SMURF1: variants seen among roughly 807,000 people sequenced by gnomAD.
The protein encoded by SMURF1 is SMAD specific E3 ubiquitin protein ligase 1.
A neutral mutation model predicts 98.0 loss-of-function variants in SMURF1; 44 were observed. The ratio of observed to expected loss-of-function variants is 0.45; its 90% confidence interval spans 0.35 to 0.58. SMURF1 has a LOEUF of 0.58. Ranked by LOEUF, SMURF1 falls within the 20% of genes least tolerant of loss-of-function variation. SMURF1 has a pLI of 0.00. For synonymous variants in SMURF1, 396 were observed against 374.9 expected, an observed-to-expected ratio of 1.06 and a Z score of -0.65; for missense variants, 687 against 938.4, an observed-to-expected ratio of 0.73 and a Z score of 3.50.
intron 5 of SMURF1, among the ~76,000 whole-genome samples, chr7:99,055,459 C>T (rs917492276): frequency 6.6e-6 from 1 of 151,456 alleles, no homozygotes; most frequent in African/African-American, 2.4e-5. Flanking sequence ...CAGAGTGAGA[C>T]TCTGTCTCCA....
At chr7:99,043,007 A>G (rs535670723) in intron 11 of SMURF1, among the ~76,000 whole-genome samples, 2 of 152,246 alleles carry the variant, frequency 1.3e-5, no homozygotes, top group Non-Finnish European at 2.9e-5. Flanking sequence ...TCCGAATCCT[A>G]TAAAGTCTCT....
intron 1 of SMURF1, among the ~76,000 whole-genome samples, chr7:99,068,853 A>G (rs1796257622): frequency 7.1e-6 from 1 of 141,294 alleles, no homozygotes; most frequent in African/African-American, 2.5e-5. Flanking sequence ...CCATCAGACA[A>G]TCCCTCTCTC....
chr7:99,118,874 T>A (rs1797523103), intron 1 of SMURF1, among the ~76,000 whole-genome samples: 2 of 152,166 alleles, frequency 1.3e-5, no homozygotes, highest in East Asian at 3.9e-4. Flanking sequence ...TTCTGCATTG[T>A]TATTTTTAGA....
chr7:99,042,515 TCCACCCATCTCGG>T (rs572211682), intron 11 of SMURF1, among the ~76,000 whole-genome samples: 57 of 152,316 alleles, frequency 3.7e-4, no homozygotes, highest in Admixed American at 2.5e-3. Flanking sequence ...CCTCAAATGA[TCCACCCATCTCGG>T]CCTCCCAAAG....
chr7:99,037,516 G>A (rs1795191765), intron 14 of SMURF1, among the ~76,000 whole-genome samples: 1 of 152,206 alleles, frequency 6.6e-6, no homozygotes, highest in Non-Finnish European at 1.5e-5. Context: ...TGGGATTACA[G>A]GCATGAGCCA....
intron 15 of SMURF1, 80 bp downstream of exon 15, chr7:99,036,987 C>A (rs1474829181): frequency 1.2e-6 from 2 of 1,600,412 alleles, no homozygotes; most frequent in Non-Finnish European, 1.7e-6. Flanking sequence ...GCACACACTG[C>A]CCCCTGCAGC....
chr7:99,102,978 A>G (rs1285251470), intron 1 of SMURF1, among the ~76,000 whole-genome samples: 1 of 151,208 alleles, frequency 6.6e-6, no homozygotes, highest in Non-Finnish European at 1.5e-5. Flanking sequence ...TTATTTTTCT[A>G]TCTTTAGGGG....
chr7:99,043,457 C>T (rs1472036628), intron 11 of SMURF1, among the ~76,000 whole-genome samples: 1 of 152,154 alleles, frequency 6.6e-6, no homozygotes, highest in African/African-American at 2.4e-5. Context: ...AGATTCCCAA[C>T]TCTTTCCACT....
chr7:99,057,082 G>A (rs1584465234), intron 5 of SMURF1, 123 bp downstream of exon 5: 6 of 899,554 alleles, frequency 6.7e-6, no homozygotes, highest in African/African-American at 5.0e-5. Context: ...AGAAGGCCCC[G>A]TACGTGGTCT....
At position 99,027,702 on chromosome 7, in the gene SMURF1, A is replaced by C. The variant is rs1794740856; in HGVS notation, c.*2882T>G. On this transcript the variant is annotated 3_prime_UTR_variant, in exon 18 of 18. Transcript: ENST00000361368. ...ACAAGACATTACAAAATAAATTAAA[A>C]AATACGTTATAAAGTGGTTGAGAAA... 1 of 152,666 alleles carries C rather than the reference A, an allele frequency of 6.6e-6. No homozygotes were observed. Among genetic ancestry groups the C allele is most frequent in the African/African-American group, 2.4e-5 (1 of 41,464 alleles). 9.5% of individuals were successfully genotyped at this position (152,666 alleles called of 1,614,324 possible). A position where few individuals can be genotyped will look rare whatever the true frequency, so the allele number is the denominator to read the frequency against.
intron 1 of SMURF1, among the ~76,000 whole-genome samples, chr7:99,128,365 G>A (rs1299035285): frequency 6.6e-6 from 1 of 152,068 alleles, no homozygotes; most frequent in Non-Finnish European, 1.5e-5. Flanking sequence ...AACGGCTTCC[G>A]TAATTCATTT....
chr7:99,128,609 C>A (rs1797795473), intron 1 of SMURF1, among the ~76,000 whole-genome samples: 1 of 152,202 alleles, frequency 6.6e-6, no homozygotes, highest in Admixed American at 6.5e-5. Context: ...CTATAATACC[C>A]TGTCCACATT....
In SMURF1 at chr7:99,034,072, G is replaced by T. The variant is rs112842392; in HGVS notation, c.2012-951C>A. Among the ~76,000 whole-genome samples the T allele has an allele frequency of 1.6e-3, 250 of 152,364 alleles. 2 individuals are homozygous for T. The highest frequency in any genetic ancestry group is 5.7e-3 in the African/African-American group (239 of 41,584). ...GTTGGGCAGAGGGTCTCAGTGTGCA[G>T]CCCCTGGTTTCTGGGGTCCTGGGAC... On this transcript the variant is annotated intron_variant, in intron 16 of 17. Transcript: ENST00000361368.
intron 3 of SMURF1, among the ~76,000 whole-genome samples, chr7:99,059,799 T>C (rs144186485): frequency 0.033 from 4,943 of 151,840 alleles, 130 homozygotes; most frequent in Non-Finnish European, 0.046. Context: ...TTCCAGCTAC[T>C]TGGGAGGCTG....
chr7:99,134,157 T>C (rs1341248548), intron 1 of SMURF1, among the ~76,000 whole-genome samples: 15 of 151,832 alleles, frequency 9.9e-5, no homozygotes, highest in Admixed American at 3.9e-4. Flanking sequence ...CGTGCCTTAT[T>C]TCCAGAGTTT....
At chr7:99,047,576 C>T (rs1795624435) in intron 10 of SMURF1, 108 bp downstream of exon 10, 1 of 1,117,998 alleles carries the variant, frequency 8.9e-7, no homozygotes, top group Admixed American at 2.1e-5. Flanking sequence ...ACCCACAAAG[C>T]AGTTCATTTA....
chr7:99,070,023 T>C (rs1243710090), intron 1 of SMURF1, among the ~76,000 whole-genome samples: 1 of 152,206 alleles, frequency 6.6e-6, no homozygotes, highest in Non-Finnish European at 1.5e-5. Flanking sequence ...CTGAGGTAAG[T>C]TTTCAAAACA....
At chr7:99,064,832 C>T (rs140426037) in intron 1 of SMURF1, among the ~76,000 whole-genome samples, 21 of 152,206 alleles carry the variant, frequency 1.4e-4, no homozygotes, top group African/African-American at 4.6e-4. Flanking sequence ...ACTCTAATTA[C>T]AAAATACATA....
At chr7:99,057,165 C>A in intron 5 of SMURF1, 40 bp downstream of exon 5, 1 of 1,608,922 alleles carries the variant, frequency 6.2e-7, no homozygotes, top group Non-Finnish European at 8.5e-7. Flanking sequence ...AATGTAAGTT[C>A]TGGAAAAGCA....
Sources: allele counts gnomAD v4.1 joint callset (sites outside exome capture counted in the v4.1 genomes callset), GRCh38; gene constraint gnomAD v4.1.1; transcripts MANE v1.5; gene names NCBI Gene and HGNC (gene_info 2026-07-23, HGNC 2026-07-21).